The following GLIS3 variants were observed in gnomAD, a reference collection of about 807,000 sequenced individuals.
GLIS3 encodes the protein zinc finger protein GLIS3.
In GLIS3, 53 loss-of-function variants were observed where a neutral mutation model predicts 78.6. The observed-to-expected ratio is 0.67, with a 90% CI of 0.54 to 0.85. The LOEUF (loss-of-function observed/expected upper bound fraction) is 0.85. Ranked by LOEUF, GLIS3 falls within the 40% of genes least tolerant of loss-of-function variation. The pLI is 0.00. For missense variants in GLIS3, 1,703 were observed against 1,231.1 expected (o/e 1.38, Z -5.74); for synonymous variants, 684 against 509.9 (o/e 1.34, Z -4.60).
chr9:3,838,435 C>G (rs937893540), intron 9 of GLIS3, among the ~76,000 whole-genome samples: 1 of 152,138 alleles, frequency 6.6e-6, no homozygotes, highest in African/African-American at 2.4e-5. Flanking sequence ...TTTCACTTAG[C>G]CTTGGAGTGC....
chr9:4,359,683 G>A, the GLIS3 span, among the ~76,000 whole-genome samples: 1 of 152,148 alleles, frequency 6.6e-6, no homozygotes, highest in South Asian at 2.1e-4. Flanking sequence ...ATTTAAAATG[G>A]TAACATTGCC....
intron 4 of GLIS3, among the ~76,000 whole-genome samples, chr9:4,096,348 G>A (rs971928955): frequency 6.6e-6 from 1 of 152,138 alleles, no homozygotes; most frequent in African/African-American, 2.4e-5. Flanking sequence ...ACATAGTCCA[G>A]GAATAGTTTT....
the GLIS3 span, among the ~76,000 whole-genome samples, chr9:4,394,460 A>G: frequency 6.6e-6 from 1 of 152,104 alleles, no homozygotes; most frequent in East Asian, 1.9e-4. Context: ...CATCAAATAT[A>G]GAAGAATTCA....
chr9:4,039,487 G>T (rs537795610), intron 4 of GLIS3, among the ~76,000 whole-genome samples: 1 of 152,204 alleles, frequency 6.6e-6, no homozygotes, highest in East Asian at 1.9e-4. Context: ...TGGGTCTCCA[G>T]CCCACAAAAT....
intron 1 of GLIS3, among the ~76,000 whole-genome samples, chr9:4,296,480 C>T (rs1192618068): frequency 2.0e-5 from 3 of 152,120 alleles, no homozygotes; most frequent in African/African-American, 7.2e-5. Context: ...GGAGTTCATC[C>T]ACCACCCCAA....
intron 2 of GLIS3, among the ~76,000 whole-genome samples, chr9:4,150,536 C>A (rs1463866684): frequency 6.6e-6 from 1 of 152,166 alleles, no homozygotes; most frequent in East Asian, 1.9e-4. Flanking sequence ...AAACCAAATG[C>A]TCAGAAAATA....
At chr9:3,852,501 C>T (rs1249908705) in intron 9 of GLIS3, among the ~76,000 whole-genome samples, 2 of 152,134 alleles carry the variant, frequency 1.3e-5, no homozygotes, top group Admixed American at 6.5e-5. Context: ...CAAACTCGTC[C>T]AACAAAAGCT....
At chr9:4,476,695 T>C in the GLIS3 span, among the ~76,000 whole-genome samples, 7 of 152,022 alleles carry the variant, frequency 4.6e-5, no homozygotes, top group Non-Finnish European at 1.0e-4. Context: ...ATATGGGTCT[T>C]GTTTTTTTTT....
At chr9:3,978,170 T>C (rs537963980) in intron 4 of GLIS3, among the ~76,000 whole-genome samples, 21 of 152,142 alleles carry the variant, frequency 1.4e-4, no homozygotes, top group South Asian at 4.2e-4. Context: ...GGAAAGCGGA[T>C]GGTAATCTCA....
chr9:4,458,357 G>T, the GLIS3 span, among the ~76,000 whole-genome samples: 11 of 152,318 alleles, frequency 7.2e-5, no homozygotes, highest in East Asian at 1.7e-3. Context: ...GGTGTGGAGA[G>T]AGTCAAATAA....
chr9:3,858,924 C>G (rs543133590), intron 8 of GLIS3, among the ~76,000 whole-genome samples: 29 of 152,170 alleles, frequency 1.9e-4, no homozygotes, highest in African/African-American at 6.7e-4. Flanking sequence ...CCACATAGTA[C>G]CATACTTAAA....
rs778661925 is a variant in GLIS3 at position 4,118,353 on chromosome 9, G to A, written c.1125C>T (p.Ala375=). The change falls in exon 4 of 11, where the codon GCC becomes GCT. Residue 375 remains alanine, a synonymous_variant. Coordinates refer to ENST00000381971, the MANE Select transcript of GLIS3 (RefSeq NM_001042413.2). The surrounding 1 kb of genome is among the most constrained non-coding windows in gnomAD (Gnocchi z 4.7). ...AGGCCGGCAGCGCCAGGCCTCCAGG[G>A]GCCACCAGCACGCCCTTCTGGCTGC... The part of the protein sequence containing the change: ...VPGSQKGVLV[A]PGGLALPAYG... The A allele has an allele frequency of 3.8e-6, 6 of 1,584,186 alleles. No homozygotes were observed. The highest frequency in any genetic ancestry group is 5.1e-6 in the Non-Finnish European group (6 of 1,168,938).
chr9:3,930,580 C>T (rs376709836), intron 6 of GLIS3, among the ~76,000 whole-genome samples: 1 of 152,154 alleles, frequency 6.6e-6, no homozygotes. Context: ...ATTAATAATT[C>T]CTGAAAATAT....
At chr9:4,328,539 G>A (rs1410127002) in intron 2 of GLIS3, among the ~76,000 whole-genome samples, 1 of 152,182 alleles carries the variant, frequency 6.6e-6, no homozygotes, top group South Asian at 2.1e-4. Flanking sequence ...CTCCATAAAG[G>A]GGAAATCTAG....
chr9:4,184,892 T>G (rs561377076), intron 2 of GLIS3, among the ~76,000 whole-genome samples: 51 of 29,950 alleles, frequency 1.7e-3, no homozygotes, highest in African/African-American at 4.8e-3. Context: ...TATTAAATAT[T>G]GGGTTACATT....
At chr9:4,164,416 A>C (rs1265136618) in intron 2 of GLIS3, among the ~76,000 whole-genome samples, 1 of 152,198 alleles carries the variant, frequency 6.6e-6, no homozygotes, top group African/African-American at 2.4e-5. Context: ...TTGTTGTGAT[A>C]AAGAGGAACA....
chr9:4,075,754 G>A (rs1015194074), intron 4 of GLIS3, among the ~76,000 whole-genome samples: 6 of 151,710 alleles, frequency 4.0e-5, no homozygotes, highest in Admixed American at 1.3e-4. Flanking sequence ...TGATATAGTC[G>A]TACAATGCAA....
chr9:3,876,452 G>C (rs559987339), intron 8 of GLIS3, among the ~76,000 whole-genome samples: 97 of 151,260 alleles, frequency 6.4e-4, no homozygotes, highest in Non-Finnish European at 1.2e-3. Flanking sequence ...GTAACCATTA[G>C]AGAATAGTAT....
intron 4 of GLIS3, among the ~76,000 whole-genome samples, chr9:3,997,189 A>G (rs1490189006): frequency 6.6e-6 from 1 of 152,094 alleles, no homozygotes; most frequent in Non-Finnish European, 1.5e-5. Flanking sequence ...TCTACTAAAA[A>G]TACAAAATTA....
Sources: gnomAD v4.1 joint callset for allele counts (sites outside exome capture counted in the v4.1 genomes callset) on GRCh38, gnomAD v4.1.1 for gene constraint, Gnocchi (gnomAD v3.1) non-coding constraint, MANE v1.5 for transcripts, NCBI Gene and HGNC (gene_info 2026-07-23, HGNC 2026-07-21) for gene names.